The following TRPM5 variants were observed in gnomAD, a reference collection of about 807,000 sequenced individuals.
TRPM5 encodes MLSN1 and TRP-related.
TRPM5 carries 121 observed loss-of-function variants against 124.9 expected under a neutral mutation model. That is an observed-to-expected ratio of 0.97 (90% CI 0.84 to 1.13). The LOEUF (loss-of-function observed/expected upper bound fraction) is 1.13. TRPM5 is among the 50% of genes most tolerant of loss of function. The probability of loss-of-function intolerance (pLI) is 0.00; values close to 1 mark genes in which losing one functional copy is unlikely to be tolerated. For missense variants in TRPM5, 1,643 were observed against 1,589.1 expected, an observed-to-expected ratio of 1.03 and a Z score of -0.58; for synonymous variants, 781 against 700.5, an observed-to-expected ratio of 1.11 and a Z score of -1.81.
exon 2 of TRPM5, chr11:2,422,168 C>T: frequency 6.2e-7 from 1 of 1,611,194 alleles, no homozygotes; most frequent in Non-Finnish European, 8.5e-7. Context: ...TTCACCAGCC[C>T]CTTGCGCAGC....
At chr11:2,417,825 T>G in exon 7 of TRPM5, 1 of 1,574,444 alleles carries the variant, frequency 6.4e-7, no homozygotes, top group Non-Finnish European at 8.6e-7. Flanking sequence ...GGTGATGTTC[T>G]GCAGCTGGGC....
chr11:2,404,593 G>A (rs537912246), exon 24 of TRPM5: 154 of 281,104 alleles, frequency 5.5e-4, no homozygotes, highest in Non-Finnish European at 8.9e-4. Flanking sequence ...CAGCTTCGCA[G>A]TCTGGATGGG....
At chr11:2,420,444 G>C (rs1158638893) in intron 3 of TRPM5, 39 bp from the exon 9 acceptor site, 1 of 1,501,508 alleles carries the variant, frequency 6.7e-7, no homozygotes, top group South Asian at 1.2e-5. Flanking sequence ...GCCCTCGAGA[G>C]GCAGCTTGGG....
intron 18 of TRPM5, among the ~76,000 whole-genome samples, chr11:2,410,193 G>T (rs548158570): frequency 2.6e-5 from 4 of 152,220 alleles, no homozygotes; most frequent in Non-Finnish European, 5.9e-5. Context: ...GGCTGCGGGG[G>T]CTGAGAAAAC....
intron 18 of TRPM5, among the ~76,000 whole-genome samples, chr11:2,408,958 A>G (rs1055127152): frequency 6.6e-6 from 1 of 152,226 alleles, no homozygotes; most frequent in African/African-American, 2.4e-5. Context: ...ACACACGGGC[A>G]CATTCAAGTG....
chr11:2,420,069 C>T (rs1288878684), intron 4 of TRPM5, among the ~76,000 whole-genome samples, 153 bp downstream of exon 9: 1 of 38,462 alleles, frequency 2.6e-5, no homozygotes, highest in African/African-American at 1.3e-4. Flanking sequence ...CAGGCCCCCA[C>T]GGCCCAGGTC....
intron 13 of TRPM5, 77 bp from the exon 19 acceptor site, chr11:2,413,303 C>T: frequency 7.1e-7 from 1 of 1,415,618 alleles, no homozygotes; most frequent in Non-Finnish European, 9.4e-7. Context: ...GCTTGGCCAT[C>T]AAAGTGCCCA....
chr11:2,429,625 G>C, the TRPM5 span, among the ~76,000 whole-genome samples: 11 of 151,792 alleles, frequency 7.2e-5, no homozygotes, highest in East Asian at 2.1e-3. The surrounding 1 kb of genome is among the most constrained non-coding windows in gnomAD (Gnocchi z 8.4). Flanking sequence ...GGTGATTGTG[G>C]TGGTGATAAT....
At chr11:2,443,729 C>T in the TRPM5 span, among the ~76,000 whole-genome samples, 6 of 152,180 alleles carry the variant, frequency 3.9e-5, no homozygotes, top group African/African-American at 9.6e-5. The surrounding 1 kb of genome is among the most constrained non-coding windows in gnomAD (Gnocchi z 5.0). Flanking sequence ...CCTGGCGGGG[C>T]GGAGAGTCAC....
chr11:2,420,815 G>A (rs994129716), intron 3 of TRPM5, among the ~76,000 whole-genome samples: 1 of 152,216 alleles, frequency 6.6e-6, no homozygotes, highest in Non-Finnish European at 1.5e-5. Flanking sequence ...GCCTGGGCCC[G>A]TGTGGTACAG....
chr11:2,411,286 C>A, intron 18 of TRPM5, 66 bp downstream of exon 23: 3 of 1,468,678 alleles, frequency 2.0e-6, no homozygotes, highest in Non-Finnish European at 1.8e-6. Flanking sequence ...GAGCCTCATG[C>A]CCAGGGCTTG....
At chr11:2,405,860 G>A (rs1419174034) in intron 22 of TRPM5, among the ~76,000 whole-genome samples, 159 bp downstream of exon 27, 3 of 152,158 alleles carry the variant, frequency 2.0e-5, no homozygotes, top group African/African-American at 7.2e-5. Flanking sequence ...GGGACGGCCT[G>A]TCTTCCCCAG....
At chr11:2,423,823 TG>T (rs1306156701), upstream of TRPM5, among the ~76,000 whole-genome samples, 1 of 152,204 alleles carries the variant, frequency 6.6e-6, no homozygotes, top group Non-Finnish European at 1.5e-5. Context: ...GGATCGGCAC[TG>T]GCCCCTCAGC....
At chr11:2,406,075 T>G (rs140675059) in exon 22 of TRPM5, 1 of 1,612,010 alleles carries the variant, frequency 6.2e-7, no homozygotes, top group East Asian at 2.2e-5. Context: ...CCGAGGTACT[T>G]GGCAATGAAG....
exon 23 of TRPM5, chr11:2,405,551 G>A: frequency 6.4e-7 from 1 of 1,565,404 alleles, no homozygotes; most frequent in Non-Finnish European, 8.7e-7. Flanking sequence ...CCCTGGGCCA[G>A]CACGTCAGCC....
intron 4 of TRPM5, 56 bp downstream of exon 9, chr11:2,420,166 T>C (rs920218944): frequency 2.6e-6 from 4 of 1,527,328 alleles, no homozygotes; most frequent in South Asian, 1.3e-5. Flanking sequence ...CACAGGCGGG[T>C]CCCTGGATCC....
upstream of TRPM5, among the ~76,000 whole-genome samples, chr11:2,425,157 A>G (rs1845828484): frequency 1.3e-5 from 2 of 151,582 alleles, no homozygotes; most frequent in Admixed American, 6.6e-5. Context: ...AAGGCTTGGC[A>G]TTGCTGTTGT....
upstream of TRPM5, among the ~76,000 whole-genome samples, chr11:2,426,686 TC>T (rs1845843110): frequency 6.6e-6 from 1 of 152,088 alleles, no homozygotes; most frequent in South Asian, 2.1e-4. Flanking sequence ...GCCCCGCTCA[TC>T]CCCACCAGGC....
At chr11:2,408,547 C>T (rs1241180944) in intron 18 of TRPM5, among the ~76,000 whole-genome samples, 2 of 152,246 alleles carry the variant, frequency 1.3e-5, no homozygotes, top group Non-Finnish European at 2.9e-5. Flanking sequence ...TCAGGCGGCA[C>T]ACTCTGGGAG....
Sources: allele counts gnomAD v4.1 joint callset (sites outside exome capture counted in the v4.1 genomes callset), GRCh38; gene constraint gnomAD v4.1.1; non-coding constraint Gnocchi (gnomAD v3.1); transcripts MANE v1.5; gene names NCBI Gene and HGNC (gene_info 2026-07-23, HGNC 2026-07-21).